The following UTRN variants were observed in gnomAD, a reference collection of about 807,000 sequenced individuals.
UTRN encodes the protein dystrophin-related protein 1.
A neutral mutation model predicts 463.9 loss-of-function variants in UTRN; 283 were observed. That is an observed-to-expected ratio of 0.61 (90% confidence interval 0.55 to 0.67). The LOEUF (loss-of-function observed/expected upper bound fraction) is 0.67. Ranked by LOEUF, UTRN falls within the 30% of genes least tolerant of loss-of-function variation. The pLI is 0.00. For synonymous variants in UTRN, 1,442 were observed against 1,431.5 expected (o/e 1.01, Z -0.17); for missense variants, 3,922 against 4,084.3 (o/e 0.96, Z 1.08).
intron 66 of UTRN, among the ~76,000 whole-genome samples, chr6:144,822,611 C>T (rs201787449): frequency 2.3e-4 from 35 of 152,174 alleles, no homozygotes; most frequent in South Asian, 1.0e-3. Context: ...GAGAGCTGTT[C>T]GAATACATTC....
In UTRN at chr6:144,507,376, C is replaced by T. The variant is rs536120284; in HGVS notation, c.4765-3568C>T. 5.9e-5 allele frequency among the ~76,000 whole-genome samples: 9 copies of T among 152,124 alleles called. No homozygotes were observed. In the South Asian group the frequency reaches 1.0e-3, roughly 18 times the overall value. On this transcript the variant is annotated intron_variant, in intron 34 of 74. Coordinates refer to ENST00000367545, the MANE Select transcript of UTRN (RefSeq NM_007124.3). ...GTTTTTGGAATTTACAGCATTTTTGCGCTGGTTTTTCCTCATCTTCGTGGA... is the reference window on the plus strand; with the variant it reads ...GTTTTTGGAATTTACAGCATTTTTGTGCTGGTTTTTCCTCATCTTCGTGGA...
Position 144,522,089 on chromosome 6 carries a change from A to G in UTRN, c.5651A>G (p.Asp1884Gly). Residue 1884 changes from aspartate to glycine, a missense_variant, in exon 40 of 75, where the codon GAT (aspartate) becomes GGT (glycine). Asp to Gly is a moderately conservative substitution (Grantham distance 94, BLOSUM62 -1). This residue lies in a region of UTRN where 2,349 missense variants were observed against 2,303.8 expected (regional missense o/e 1.02). Coordinates refer to ENST00000367545, the MANE Select transcript of UTRN (RefSeq NM_007124.3). ...VEINKILLCM[D>G]DVELSLNVPE... Reference sequence around the variant, plus strand: ...ATTAACAAAATTTTACTTTGCATGGATGATGTTGAATTATCGCTTAATGTT... The same window carrying G: ...ATTAACAAAATTTTACTTTGCATGGGTGATGTTGAATTATCGCTTAATGTT... The G allele has an allele frequency of 1.3e-6, 2 of 1,587,112 alleles. No individual in the cohort carries two copies. Among genetic ancestry groups the G allele is most frequent in the Non-Finnish European group, 8.6e-7 (1 of 1,168,514 alleles).
In UTRN at chr6:144,771,475, C is replaced by G. The variant is rs148428100; in HGVS notation, c.8496-432C>G. On this transcript the variant is annotated intron_variant, in intron 58 of 74. Coordinates refer to ENST00000367545, the MANE Select transcript of UTRN (RefSeq NM_007124.3). ...GTGTCTCACTCTGTCACCCAGGCTA[C>G]AGTGCAGTGAAACGATCTCGGCTCA... Among the ~76,000 whole-genome samples, 504 of 152,066 alleles carry G rather than the reference C, an allele frequency of 3.3e-3. 19 individuals are homozygous for G. The East Asian group carries it at 0.078, about 24-fold the overall frequency.
intron 54 of UTRN, among the ~76,000 whole-genome samples, chr6:144,746,219 T>A (rs1790727566): frequency 6.6e-6 from 1 of 152,100 alleles, no homozygotes; most frequent in African/African-American, 2.4e-5. Context: ...GCCAGGCTGG[T>A]CTCAAACTCC....
intron 2 of UTRN, among the ~76,000 whole-genome samples, chr6:144,391,861 C>T (rs7746584): frequency 0.099 from 14,998 of 152,264 alleles, 801 homozygotes; most frequent in Admixed American, 0.17. Flanking sequence ...ATGATGGTCT[C>T]GATCTCCTGA....
chr6:144,430,960 G>A (rs1785775274), intron 9 of UTRN, among the ~76,000 whole-genome samples: 1 of 152,132 alleles, frequency 6.6e-6, no homozygotes, highest in African/African-American at 2.4e-5. Flanking sequence ...AGAAAGGATT[G>A]AGAAATGAGG....
At chr6:144,651,804 T>C (rs1384946784) in intron 51 of UTRN, among the ~76,000 whole-genome samples, 1 of 152,198 alleles carries the variant, frequency 6.6e-6, no homozygotes, top group African/African-American at 2.4e-5. Context: ...TGCCTTTTTA[T>C]TTTCTTTACA....
Position 144,514,754 on chromosome 6 carries a change from A to T in UTRN, c.5178A>T (p.Val1726=), listed in dbSNP as rs774231190. ...NARGSSSREL[V]EPKLAELNRN... ...GTGGAAGCTCAAGCAGGGAGCTTGT[A>T]GAACCAAAGTTAGCTGAGCTGAATA... Residue 1726 remains valine (V), a synonymous_variant, in exon 37 of 75, where the codon GTA becomes GTT. Coordinates refer to ENST00000367545, the MANE Select transcript of UTRN (RefSeq NM_007124.3). The T allele has an allele frequency of 1.2e-6, 2 of 1,614,222 alleles. No homozygotes were observed. Among genetic ancestry groups the T allele is most frequent in the Non-Finnish European group, 1.7e-6 (2 of 1,180,028 alleles).
intron 3 of UTRN, among the ~76,000 whole-genome samples, chr6:144,419,866 A>G (rs7773788): frequency 0.055 from 8,329 of 151,862 alleles, 487 homozygotes; most frequent in African/African-American, 0.15. Flanking sequence ...AAAGAGTATC[A>G]CTTCCACTGA....
intron 32 of UTRN, 80 bp downstream of exon 32, chr6:144,491,182 T>C: frequency 7.3e-7 from 1 of 1,371,746 alleles, no homozygotes; most frequent in Non-Finnish European, 9.9e-7. Flanking sequence ...ACATGCCTAG[T>C]GTGTCCAGTG....
intron 53 of UTRN, among the ~76,000 whole-genome samples, chr6:144,706,554 A>G (rs1216261257): frequency 6.6e-5 from 10 of 152,180 alleles, no homozygotes; most frequent in Non-Finnish European, 1.3e-4. Context: ...TAAAGCATAC[A>G]TGAGACAGCA....
chr6:144,793,184 G>T (rs1159258128), intron 62 of UTRN, among the ~76,000 whole-genome samples: 1 of 152,048 alleles, frequency 6.6e-6, no homozygotes, highest in Non-Finnish European at 1.5e-5. Context: ...ACATTTAGTA[G>T]AATATTGAAT....
rs199941748 is a variant in UTRN at position 144,305,545 on chromosome 6, CAG to C, written c.79+13642_79+13643del. ...AGTTCCTTGGAAGTAGGATTTGAGA[CAG>C]AGATTTGTGTGCACTTGAGAACAAT... On this transcript the variant is annotated intron_variant, in intron 2 of 74. Coordinates refer to ENST00000367545, the MANE Select transcript of UTRN (RefSeq NM_007124.3). Among the ~76,000 whole-genome samples, 1,199 of 152,254 alleles carry C rather than the reference CAG, an allele frequency of 7.9e-3. 11 individuals are homozygous for C. The highest frequency in any genetic ancestry group is 0.011 in the Non-Finnish European group (730 of 68,016).
At chr6:144,764,547 A>G (rs998766523) in intron 58 of UTRN, among the ~76,000 whole-genome samples, 6 of 152,204 alleles carry the variant, frequency 3.9e-5, no homozygotes, top group Non-Finnish European at 7.3e-5. Context: ...GGATGCAGTT[A>G]GTAAAGTTCT....
chr6:144,550,892 G>A, intron 47 of UTRN, 73 bp from the exon 48 acceptor site: 4 of 1,316,782 alleles, frequency 3.0e-6, no homozygotes, highest in Non-Finnish European at 4.1e-6. Flanking sequence ...TTTGATGTCA[G>A]CACAACTGTT....
chr6:144,422,071 T>C (rs749879260), intron 4 of UTRN, 101 bp downstream of exon 4: 160 of 901,344 alleles, frequency 1.8e-4, no homozygotes, highest in Non-Finnish European at 2.4e-4. Flanking sequence ...CATTTTACTT[T>C]ACGTTCAAAT....
At chr6:144,724,425 C>T (rs1047811731) in intron 53 of UTRN, among the ~76,000 whole-genome samples, 1 of 151,838 alleles carries the variant, frequency 6.6e-6, no homozygotes, top group Non-Finnish European at 1.5e-5. Context: ...GATGGGGTTT[C>T]ACCATATTGG....
intron 51 of UTRN, among the ~76,000 whole-genome samples, chr6:144,650,367 A>G (rs1778682908): frequency 6.6e-6 from 1 of 152,220 alleles, no homozygotes; most frequent in African/African-American, 2.4e-5. Context: ...AGATATTTTG[A>G]TATTTAAGTA....
chr6:144,657,412 G>C (rs1467373140), intron 51 of UTRN, among the ~76,000 whole-genome samples: 2 of 152,084 alleles, frequency 1.3e-5, no homozygotes, highest in African/African-American at 4.8e-5. Context: ...TGATACAAAG[G>C]CAACAGTTTC....
Sources: allele counts gnomAD v4.1 joint callset (sites outside exome capture counted in the v4.1 genomes callset), GRCh38; gene constraint gnomAD v4.1.1; regional missense constraint gnomAD v4.1.1; transcripts MANE v1.5; gene names NCBI Gene and HGNC (gene_info 2026-07-23, HGNC 2026-07-21).